Variants in HECTD2 observed in about 807,000 individuals in gnomAD.
The protein encoded by HECTD2 is HECT domain E3 ubiquitin protein ligase 2.
HECTD2 carries 35 observed loss-of-function variants against 103.2 expected under a neutral mutation model. That is an observed-to-expected ratio of 0.34 (90% confidence interval 0.26 to 0.45). The LOEUF (loss-of-function observed/expected upper bound fraction) is 0.45. HECTD2 is among the 20% of genes least tolerant of loss of function. HECTD2 has a pLI of 1.00. For missense variants in HECTD2, 596 were observed against 937.4 expected (o/e 0.64, Z 4.76); for synonymous variants, 281 against 329.9 (o/e 0.85, Z 1.61).
Position 91,487,245 on chromosome 10 carries a change from G to T in HECTD2, c.1095-437G>T. The T allele has an allele frequency of 5.5e-6, 1 of 182,034 alleles. No individual in the cohort carries two copies. 11.3% of individuals were successfully genotyped at this position (182,034 alleles called of 1,614,324 possible). Reference sequence around the variant, plus strand: ...TTTTTACATACTGTAGTTATTGTTAGATTTTTTCATTTCTGGAACTCACAC... The same window carrying T: ...TTTTTACATACTGTAGTTATTGTTATATTTTTTCATTTCTGGAACTCACAC... On this transcript the variant is annotated intron_variant, in intron 10 of 20. Transcript: ENST00000298068. The surrounding 1 kb of genome is among the most constrained non-coding windows in gnomAD (Gnocchi z 4.1).
intron 2 of HECTD2, 39 bp downstream of exon 2, chr10:91,425,449 T>C: frequency 7.4e-7 from 1 of 1,350,834 alleles, no homozygotes; most frequent in South Asian, 1.7e-5. Flanking sequence ...AAAAGTATAT[T>C]TTTAAATTAT....
At chr10:91,489,858 T>C (rs1041842485) in intron 11 of HECTD2, 1 of 152,222 alleles carries the variant, frequency 6.6e-6, no homozygotes, top group Admixed American at 6.5e-5. Context: ...AAATTTTATC[T>C]ATTAAAGCAA....
At position 91,504,279 on chromosome 10, in the gene HECTD2, A is replaced by T. The variant is rs540178607; in HGVS notation, c.2210+2945A>T. The stretch of plus-strand genomic sequence containing the variant: ...GCAACAGAACAAAGCTGGACGGAGA[A>T]TGACTTTGACAAGCTGAGAGAAGAA... On this transcript the variant is annotated intron_variant, in intron 20 of 20. Coordinates refer to ENST00000298068, the MANE Select transcript of HECTD2 (RefSeq NM_182765.6). 8.8e-4 allele frequency among the ~76,000 whole-genome samples: 134 copies of T among 152,368 alleles called. 1 individual carries two copies. The highest frequency in any genetic ancestry group is 3.0e-3 in the African/African-American group (126 of 41,590).
At chr10:91,500,437 T>C in intron 18 of HECTD2, 65 bp from the exon 19 acceptor site, 1 of 639,870 alleles carries the variant, frequency 1.6e-6, no homozygotes, top group Non-Finnish European at 2.8e-6. Context: ...CCAGTGAAAA[T>C]AGTTCCAGTT....
At chr10:91,446,239 C>G (rs571657859) in intron 2 of HECTD2, among the ~76,000 whole-genome samples, 48 of 147,370 alleles carry the variant, frequency 3.3e-4, no homozygotes, top group African/African-American at 1.2e-3. Flanking sequence ...CAAACAGGGT[C>G]TGGAGTGGAC....
intron 2 of HECTD2, among the ~76,000 whole-genome samples, chr10:91,427,931 T>G (rs1843644492): frequency 6.6e-6 from 1 of 151,870 alleles, no homozygotes; most frequent in Non-Finnish European, 1.5e-5. Context: ...TTTTGGTGTT[T>G]TAGACATGAA....
chr10:91,432,726 C>G (rs1380480765), intron 2 of HECTD2, among the ~76,000 whole-genome samples: 1 of 151,912 alleles, frequency 6.6e-6, no homozygotes, highest in Non-Finnish European at 1.5e-5. Context: ...TGAACTCTGA[C>G]ATTTACCTTG....
At chr10:91,496,642 T>C (rs1437512547) in intron 15 of HECTD2, among the ~76,000 whole-genome samples, 3 of 152,282 alleles carry the variant, frequency 2.0e-5, no homozygotes, top group Non-Finnish European at 4.4e-5. Context: ...ACAAGTTATT[T>C]AACCCTTCAA....
In HECTD2 at chr10:91,461,495, A is replaced by G. The variant is rs1339229910; in HGVS notation, c.510+139A>G. On this transcript the variant is annotated intron_variant, in intron 4 of 20. Coordinates refer to ENST00000298068, the MANE Select transcript of HECTD2 (RefSeq NM_182765.6). ...ATTGATTTCAGAAATTATACAATAC[A>G]TACAATTATGTAATATTATAAATAT... 5 of 421,360 alleles carry G rather than the reference A, an allele frequency of 1.2e-5. No homozygotes were observed. In the East Asian group the frequency reaches 1.7e-4, roughly 14 times the overall value. 26.1% of individuals were successfully genotyped at this position (421,360 alleles called of 1,614,324 possible).
intron 2 of HECTD2, among the ~76,000 whole-genome samples, chr10:91,432,400 A>C (rs763493883): frequency 8.6e-5 from 13 of 151,922 alleles, no homozygotes; most frequent in Non-Finnish European, 1.5e-4. Context: ...TCACATGACT[A>C]GGTATGCCTG....
intron 2 of HECTD2, among the ~76,000 whole-genome samples, chr10:91,445,589 C>T (rs372555483): frequency 7.2e-5 from 11 of 152,212 alleles, no homozygotes; most frequent in African/African-American, 2.6e-4. Context: ...GAGGGAGTGG[C>T]TGGCAAGTCA....
chr10:91,410,938 C>T (rs1490453792), intron 1 of HECTD2, among the ~76,000 whole-genome samples: 2 of 152,094 alleles, frequency 1.3e-5, no homozygotes. Flanking sequence ...AGTGGGTTTT[C>T]CACGGAGGTG....
rs1338189340 is a variant in HECTD2, at chr10:91,485,107, A to G, written c.971-73A>G. 6 of 1,038,406 alleles carry G rather than the reference A, an allele frequency of 5.8e-6. No individual in the cohort carries two copies. The South Asian group carries it at 9.1e-5, about 16-fold the overall frequency. The allele number at this position is 1,038,406 out of a possible 1,614,324, so 64.3% of individuals were successfully genotyped here. ...TCAAGGCTGTCTTGTAGACATTAAA[A>G]TGATGTTTTTATTATTAGAATGAAT... On this transcript the variant is annotated intron_variant, in intron 9 of 20. Transcript: ENST00000298068.
intron 1 of HECTD2, among the ~76,000 whole-genome samples, chr10:91,422,921 G>A (rs564701763): frequency 1.3e-5 from 2 of 152,262 alleles, no homozygotes; most frequent in South Asian, 4.2e-4. Context: ...AAGAAGAGGT[G>A]AAGGAAGGGG....
intron 1 of HECTD2, among the ~76,000 whole-genome samples, chr10:91,423,136 A>C (rs1843422452): frequency 6.6e-6 from 1 of 152,146 alleles, no homozygotes; most frequent in Non-Finnish European, 1.5e-5. Context: ...GATGTGTTCA[A>C]CACACGTACT....
chr10:91,412,659 T>A, intron 1 of HECTD2, among the ~76,000 whole-genome samples: 1 of 108,546 alleles, frequency 9.2e-6, no homozygotes, highest in Non-Finnish European at 1.9e-5. Context: ...TGACAGGATC[T>A]GTGGCAGAAT....
chr10:91,410,357 G>GGCC lies in HECTD2; in HGVS notation c.-79_-77dup. The stretch of plus-strand genomic sequence containing the variant: ...AAGCGGCAGCCCAGAGCCCTCTCGC[G>GGCC]GCCGCGGCGGCAGCAGCAGCGCCAG... On this transcript the variant is annotated 5_prime_UTR_variant, in exon 1 of 21. Coordinates refer to ENST00000298068, the MANE Select transcript of HECTD2 (RefSeq NM_182765.6). The GGCC allele has an allele frequency of 1.1e-6, 1 of 911,666 alleles. No individual in the cohort carries two copies. The highest frequency in any genetic ancestry group is 1.4e-6 in the Non-Finnish European group (1 of 708,542). The allele number at this position is 911,666 out of a possible 1,614,324, so 56.5% of individuals were successfully genotyped here. A position where few individuals can be genotyped will look rare whatever the true frequency, so the allele number is the denominator to read the frequency against.
chr10:91,479,082 C>T (rs531694671), intron 6 of HECTD2, among the ~76,000 whole-genome samples: 7 of 152,210 alleles, frequency 4.6e-5, no homozygotes, highest in African/African-American at 1.7e-4. Flanking sequence ...GATGTGGTTG[C>T]ACCGTCCTGT....
chr10:91,487,428 G>T lies in HECTD2; in HGVS notation c.1095-254G>T, dbSNP rs1846303456. On this transcript the variant is annotated intron_variant, in intron 10 of 20. Coordinates refer to ENST00000298068, the MANE Select transcript of HECTD2 (RefSeq NM_182765.6). This position sits in a 1 kb window ranked among gnomAD's most constrained non-coding sequence, Gnocchi z 4.1. ...GAAATTATTTGTATAGACAATGTAAGTGGTTAGCACACATTCAGAACCTTT... is the reference window on the plus strand; with the variant it reads ...GAAATTATTTGTATAGACAATGTAATTGGTTAGCACACATTCAGAACCTTT... The T allele has an allele frequency of 2.2e-6, 1 of 453,306 alleles. No individual in the cohort carries two copies. The highest frequency in any genetic ancestry group is 3.3e-5 in the Admixed American group (1 of 30,178). The allele number at this position is 453,306 out of a possible 1,614,324, so 28.1% of individuals were successfully genotyped here.
Sources: gnomAD v4.1 joint callset for allele counts (sites outside exome capture counted in the v4.1 genomes callset) on GRCh38, gnomAD v4.1.1 for gene constraint, Gnocchi (gnomAD v3.1) non-coding constraint, MANE v1.5 for transcripts, NCBI Gene and HGNC (gene_info 2026-07-23, HGNC 2026-07-21) for gene names.